Variants in CA5A observed in about 807,000 individuals in gnomAD.
The protein encoded by CA5A is carbonic anhydrase 5A, mitochondrial.
Under a neutral mutation model 37.1 loss-of-function variants are expected in CA5A, and 28 were observed. The ratio of observed to expected loss-of-function variants is 0.75; its 90% CI spans 0.56 to 1.03. The LOEUF (loss-of-function observed/expected upper bound fraction) is 1.03. Ranked by LOEUF, CA5A falls within the 50% of genes least tolerant of loss-of-function variation. The pLI is 0.00. For missense variants in CA5A, 444 were observed against 399.9 expected, an observed-to-expected ratio of 1.11 and a Z score of -0.94; for synonymous variants, 171 against 158.4, an observed-to-expected ratio of 1.08 and a Z score of -0.60.
chr16:87,898,086 G>A (rs1349630971), intron 5 of CA5A, among the ~76,000 whole-genome samples: 1 of 152,152 alleles, frequency 6.6e-6, no homozygotes, highest in South Asian at 2.1e-4. Context: ...AAGCCAGCTG[G>A]GTCCCCAGGG....
chr16:87,894,316 A>T (rs1391269869), intron 5 of CA5A, among the ~76,000 whole-genome samples: 1 of 151,942 alleles, frequency 6.6e-6, no homozygotes, highest in African/African-American at 2.4e-5. Context: ...GTCCAAAGTG[A>T]CAGAGTCCCT....
rs1240039319 is a variant in CA5A, at chr16:87,928,456, G to C, written c.143-1511C>G. Among the ~76,000 whole-genome samples, 6 of 152,116 alleles carry C rather than the reference G, an allele frequency of 3.9e-5. No homozygotes were observed. The South Asian group carries it at 1.0e-3, about 26-fold the overall frequency. On this transcript the variant is annotated intron_variant, in intron 1 of 6. Transcript: ENST00000649794. ...GGCATCTCCCAAAGTGCTGAGATTA[G>C]AAGTGTGTACCACCACACCCGGCCA...
In CA5A at chr16:87,924,702, G is replaced by A. The variant is rs148346497; in HGVS notation, c.340+2046C>T. ...TGACAGCAGGAGCTGGGGAAGCCCC[G>A]GTGAGCATGTTTAGTGTAAGGAAGG... On this transcript the variant is annotated intron_variant, in intron 2 of 6. Transcript: ENST00000649794. Among the ~76,000 whole-genome samples, 15 of 152,388 alleles carry A rather than the reference G, an allele frequency of 9.8e-5. No individual in the cohort carries two copies. In the South Asian group the frequency reaches 2.7e-3, roughly 27 times the overall value.
At chr16:87,900,362 C>T (rs1039607888) in intron 5 of CA5A, among the ~76,000 whole-genome samples, 9 of 152,190 alleles carry the variant, frequency 5.9e-5, no homozygotes, top group African/African-American at 2.2e-4. Flanking sequence ...TGATCTGGTC[C>T]CAGTCCCAGG....
At position 87,912,942 on chromosome 16, in the gene CA5A, G is replaced by A. The variant is rs141795009; in HGVS notation, c.341-8038C>T. Among the ~76,000 whole-genome samples the A allele has an allele frequency of 2.4e-3, 359 of 152,274 alleles. 2 individuals carry two copies. Among genetic ancestry groups the A allele is most frequent in the South Asian group, 0.014 (68 of 4,828 alleles). On this transcript the variant is annotated intron_variant, in intron 2 of 6. Transcript: ENST00000649794. ...TTACAGGGGCAACAGGGTCGGCGCC[G>A]GTGGTGGCTAAAGGAAGTGGGGCCT...
At chr16:87,921,469 G>C (rs570957841) in intron 2 of CA5A, among the ~76,000 whole-genome samples, 5 of 152,250 alleles carry the variant, frequency 3.3e-5, no homozygotes, top group Admixed American at 6.5e-5. Context: ...CACAGCCATG[G>C]AAATAATCTC....
chr16:87,884,567 CAA>C (rs1213285823), downstream of CA5A: 20 of 111,746 alleles, frequency 1.8e-4, no homozygotes, highest in Admixed American at 2.9e-4. Flanking sequence ...AACTCTGTCT[CAA>C]AAAAAAAAAA....
chr16:87,912,743 C>T (rs564019879), intron 2 of CA5A, among the ~76,000 whole-genome samples: 3 of 152,334 alleles, frequency 2.0e-5, no homozygotes, highest in South Asian at 2.1e-4. Flanking sequence ...CCCGTGGAAG[C>T]GGCGTTTCAG....
rs747262976 is a variant in CA5A at position 87,904,833 on chromosome 16, C to T, written c.412G>A (p.Glu138Lys). 24 of 1,613,486 alleles carry T rather than the reference C, an allele frequency of 1.5e-5. No individual in the cohort carries two copies. The highest frequency in any genetic ancestry group is 1.6e-4 in the Middle Eastern group (1 of 6,078). ...QFHFHWGAVN[E>K]GGSEHTVDGH... ...TCCACTGTGTGCTCTGAGCCCCCCT[C>T]GTTCACTGCTCCCCAGTGGAAGTGA... The change falls in exon 3 of 7, where the codon GAG (glutamate) becomes AAG (lysine). Residue 138 changes from glutamate to lysine, a missense_variant. By Grantham distance (56) the Glu-to-Lys change is moderately conservative. Transcript: ENST00000649794.
intron 5 of CA5A, among the ~76,000 whole-genome samples, chr16:87,901,704 C>T (rs535183856): frequency 1.3e-5 from 2 of 152,076 alleles, no homozygotes; most frequent in Admixed American, 6.5e-5. Context: ...TCTCCTGCCT[C>T]AGCCTCCCGA....
At chr16:87,918,127 AC>A (rs2056180252) in intron 2 of CA5A, among the ~76,000 whole-genome samples, 1 of 152,078 alleles carries the variant, frequency 6.6e-6, no homozygotes, top group African/African-American at 2.4e-5. Flanking sequence ...CCTGGCAGGC[AC>A]CCCCCAATTC....
At chr16:87,897,236 G>A (rs1452536680) in intron 5 of CA5A, among the ~76,000 whole-genome samples, 5 of 152,272 alleles carry the variant, frequency 3.3e-5, no homozygotes, top group African/African-American at 7.2e-5. Flanking sequence ...CAATTCCCCG[G>A]TAGCTCTGAC....
At chr16:87,924,337 C>G in intron 2 of CA5A, 2 of 983,204 alleles carry the variant, frequency 2.0e-6, no homozygotes, top group Non-Finnish European at 2.4e-6. Context: ...TCCTTCTCAC[C>G]TTCGAAAGGA....
intron 4 of CA5A, chr16:87,882,116 T>C (rs1361217787): frequency 6.6e-6 from 1 of 152,198 alleles, no homozygotes; most frequent in Admixed American, 6.5e-5. Context: ...AATGGCTGAA[T>C]AGCTGCTCTC....
intron 1 of CA5A, among the ~76,000 whole-genome samples, chr16:87,932,122 A>T (rs903583703): frequency 6.6e-6 from 1 of 152,098 alleles, no homozygotes; most frequent in Non-Finnish European, 1.5e-5. Context: ...CTAAGAAAAA[A>T]AAAAGCCCCT....
intron 3 of CA5A, 135 bp downstream of exon 3, chr16:87,904,651 G>C: frequency 1.6e-6 from 1 of 612,338 alleles, no homozygotes; most frequent in Admixed American, 2.6e-5. Flanking sequence ...GACGGTTCTG[G>C]TTTGAGCACT....
rs181891475 is a variant in CA5A at position 87,910,922 on chromosome 16, G to A, written c.341-6018C>T. ...CCACCAGCATGCCCAGCTAATTTTT[G>A]TATTTTTAGTAGAGACGGGGTTTCA... On this transcript the variant is annotated intron_variant, in intron 2 of 6. Transcript: ENST00000649794. 4.1e-4 allele frequency among the ~76,000 whole-genome samples: 63 copies of A among 151,974 alleles called. No homozygotes were observed. The Middle Eastern group carries it at 0.01, about 25-fold the overall frequency.
intron 2 of CA5A, among the ~76,000 whole-genome samples, chr16:87,907,663 G>A (rs1437457769): frequency 2.6e-5 from 4 of 152,168 alleles, no homozygotes; most frequent in African/African-American, 7.2e-5. Context: ...GGTGGCTCAC[G>A]CCTGTAATCC....
chr16:87,899,460 G>GATA, intron 5 of CA5A, among the ~76,000 whole-genome samples: 1 of 150,426 alleles, frequency 6.6e-6, no homozygotes, highest in Non-Finnish European at 1.5e-5. Context: ...CCGCCACCAC[G>GATA]CCTGGCTAAT....
Sources: allele counts gnomAD v4.1 joint callset (sites outside exome capture counted in the v4.1 genomes callset), GRCh38; gene constraint gnomAD v4.1.1; transcripts MANE v1.5; gene names NCBI Gene and HGNC (gene_info 2026-07-23, HGNC 2026-07-21).